The following SURF4 variants were observed in gnomAD, a reference collection of about 807,000 sequenced individuals.
The protein encoded by SURF4 is surfeit 4.
Under a neutral mutation model 30.0 loss-of-function variants are expected in SURF4, and 3 were observed. The observed-to-expected ratio is 0.10, with a 90% CI of 0.05 to 0.26. The LOEUF (loss-of-function observed/expected upper bound fraction) is 0.26, where lower values mean the gene tolerates loss of function less well. Ranked by LOEUF, SURF4 falls within the 10% of genes least tolerant of loss-of-function variation. SURF4 has a pLI of 1.00. For missense variants in SURF4, 217 were observed against 350.8 expected (o/e 0.62, Z 3.05); for synonymous variants, 143 against 139.9 (o/e 1.02, Z -0.16).
At chr9:133,370,610 C>G (rs926137391) in intron 1 of SURF4, among the ~76,000 whole-genome samples, 1 of 152,214 alleles carries the variant, frequency 6.6e-6, no homozygotes, top group Non-Finnish European at 1.5e-5. Flanking sequence ...CTCTAGAACA[C>G]GTCCCAGAGC....
rs1035167840 is a variant in SURF4, at chr9:133,367,315, T to C, written c.179A>G (p.Asn60Ser). ...EQRDYIDTTW[N>S]CGYLLASSFV... is the part of the protein sequence containing the mutation. ...GGACGAGGCCAGCAGGTAGCCGCAG[T>C]TCCAGGTGGTGTCGATGTAGTCGCG... Residue 60 changes from asparagine to serine, a missense_variant, in exon 2 of 6, where the codon AAC becomes AGC. Transcript: ENST00000371989. The C allele has an allele frequency of 1.9e-6, 3 of 1,614,236 alleles. No individual in the cohort carries two copies. Among genetic ancestry groups the C allele is most frequent in the Admixed American group, 1.7e-5 (1 of 60,030 alleles).
rs1188649956 is a variant in SURF4 at position 133,362,702 on chromosome 9, G to A, written c.*791C>T. On this transcript the variant is annotated 3_prime_UTR_variant, in exon 6 of 6. Transcript: ENST00000371989. ...CTGGCTTGCAGGGTGCTGCTGCTGG[G>A]GCTACCCCTGTGTGGTCTCACTAGC... The A allele has an allele frequency of 6.5e-6, 1 of 153,060 alleles. No individual in the cohort carries two copies. The highest frequency in any genetic ancestry group is 2.4e-5 in the African/African-American group (1 of 41,408). 9.5% of individuals were successfully genotyped at this position (153,060 alleles called of 1,614,324 possible).
Position 133,361,777 on chromosome 9 carries a change from C to G in SURF4, c.*1716G>C, listed in dbSNP as rs1836819061. On this transcript the variant is annotated 3_prime_UTR_variant, in exon 6 of 6. Transcript: ENST00000371989. ...ACGTGGCCTCCTTTGGTCCACCCTA[C>G]TTTCCACCAATCAGCCAACCAACCT... The G allele has an allele frequency of 6.6e-6, 1 of 152,464 alleles. No homozygotes were observed. The highest frequency in any genetic ancestry group is 6.5e-5 in the Admixed American group (1 of 15,308). The allele number at this position is 152,464 out of a possible 1,614,324, so 9.4% of individuals were successfully genotyped here. A position where few individuals can be genotyped will look rare whatever the true frequency, so the allele number is the denominator to read the frequency against.
intron 1 of SURF4, chr9:133,372,779 G>C (rs1837579721): frequency 3.4e-6 from 1 of 296,054 alleles, no homozygotes; most frequent in African/African-American, 2.3e-5. Flanking sequence ...AGTACTATGT[G>C]AATAAAGAGA....
chr9:133,361,989 C>A lies in SURF4; in HGVS notation c.*1504G>T, dbSNP rs1059773. 49,908 of 152,192 alleles carry A rather than the reference C, an allele frequency of 0.33. 9,000 individuals are homozygous for A. Among genetic ancestry groups the A allele is most frequent in the South Asian group, 0.47 (2,250 of 4,834 alleles). 9.4% of individuals were successfully genotyped at this position (152,192 alleles called of 1,614,324 possible). ...GAGAACCCATGTCCTGAAGCCATTG[C>A]TCGATCTTACCAATATTCGGGGGTA... On this transcript the variant is annotated 3_prime_UTR_variant, in exon 6 of 6. Transcript: ENST00000371989.
chr9:133,366,051 T>G (rs1837151834), intron 3 of SURF4, 23 bp from the exon 4 acceptor site: 7 of 1,612,948 alleles, frequency 4.3e-6, no homozygotes, highest in African/African-American at 2.7e-5. Context: ...AAGAGAGAGA[T>G]ACTTGAGTCT....
At chr9:133,367,002 G>A (rs950412783) in intron 2 of SURF4, among the ~76,000 whole-genome samples, 1 of 152,198 alleles carries the variant, frequency 6.6e-6, no homozygotes, top group Non-Finnish European at 1.5e-5. Context: ...AGCATCTCCT[G>A]CTTTGGGTCC....
At chr9:133,368,629 G>C (rs147051591) in intron 1 of SURF4, among the ~76,000 whole-genome samples, 6 of 152,258 alleles carry the variant, frequency 3.9e-5, no homozygotes, top group Admixed American at 1.3e-4. Flanking sequence ...ACTGTCAAAT[G>C]TCAAAGGGAA....
intron 1 of SURF4, chr9:133,371,081 T>C: frequency 1.0e-6 from 1 of 985,444 alleles, no homozygotes. Context: ...CATCCAGTGA[T>C]CACTGTCACA....
intron 1 of SURF4, among the ~76,000 whole-genome samples, chr9:133,369,730 G>C (rs904219138): frequency 6.6e-6 from 1 of 152,218 alleles, no homozygotes; most frequent in Non-Finnish European, 1.5e-5. Flanking sequence ...CCATGGAAGA[G>C]AGAAAGCACA....
chr9:133,365,368 C>T (rs1255005913), intron 4 of SURF4, among the ~76,000 whole-genome samples: 1 of 152,150 alleles, frequency 6.6e-6, no homozygotes, highest in Non-Finnish European at 1.5e-5. Context: ...GACCCGGAGT[C>T]CCCACACCCG....
In SURF4 at chr9:133,362,403, G is replaced by A. The variant is rs2130074300; in HGVS notation, c.*1090C>T. On this transcript the variant is annotated 3_prime_UTR_variant, in exon 6 of 6. Transcript: ENST00000371989. ...GTAAGGCATCACAAATTGTAAAAAG[G>A]AATTTTGGCTGCATTCGGCATAGCA... The A allele has an allele frequency of 2.0e-5, 3 of 152,682 alleles. No homozygotes were observed. Among genetic ancestry groups the A allele is most frequent in the African/African-American group, 7.2e-5 (3 of 41,468 alleles). The allele number at this position is 152,682 out of a possible 1,614,324, so 9.5% of individuals were successfully genotyped here.
At position 133,363,116 on chromosome 9, in the gene SURF4, T is replaced by A. The variant is rs1314417773; in HGVS notation, c.*377A>T. 4.5e-6 allele frequency: 2 copies of A among 445,346 alleles called. No individual in the cohort carries two copies. The highest frequency in any genetic ancestry group is 5.5e-5 in the South Asian group (2 of 36,670). 27.6% of individuals were successfully genotyped at this position (445,346 alleles called of 1,614,324 possible). A position where few individuals can be genotyped will look rare whatever the true frequency, so the allele number is the denominator to read the frequency against. On this transcript the variant is annotated 3_prime_UTR_variant, in exon 6 of 6. Transcript: ENST00000371989. The surrounding 1 kb of genome is among the most constrained non-coding windows in gnomAD (Gnocchi z 4.3). ...AACTTACAAATAAGAGGGAGACTGC[T>A]TTGAATGATAATACCAATGCGTCTG...
intron 1 of SURF4, among the ~76,000 whole-genome samples, chr9:133,369,641 C>G (rs587704574): frequency 6.6e-6 from 1 of 152,198 alleles, no homozygotes; most frequent in South Asian, 2.1e-4. Context: ...GGAAAGGTGA[C>G]GCCACACACC....
At chr9:133,375,390 T>C in intron 1 of SURF4, 17 of 985,536 alleles carry the variant, frequency 1.7e-5, no homozygotes, top group Non-Finnish European at 1.9e-5. Context: ...CCAGCACATC[T>C]GGGAAAGAGA....
upstream of SURF4, chr9:133,376,081 C>A: frequency 8.3e-7 from 1 of 1,205,940 alleles, no homozygotes; most frequent in South Asian, 4.1e-5. Context: ...CGGCCTCGCT[C>A]CGCGTCGGCT....
At chr9:133,367,540 G>A in intron 1 of SURF4, 95 bp from the exon 2 acceptor site, 1 of 1,581,634 alleles carries the variant, frequency 6.3e-7, no homozygotes, top group Non-Finnish European at 8.5e-7. Flanking sequence ...GTGAGGAACA[G>A]ACGCTGTGGA....
chr9:133,376,666 C>A, upstream of SURF4: 1 of 1,021,842 alleles, frequency 9.8e-7, no homozygotes, highest in Non-Finnish European at 1.4e-6. Flanking sequence ...GGCCCGCGCC[C>A]TGGCCAGTGT....
chr9:133,377,673 A>G (rs1235793047), upstream of SURF4, among the ~76,000 whole-genome samples: 1 of 152,158 alleles, frequency 6.6e-6, no homozygotes, highest in Admixed American at 6.5e-5. Flanking sequence ...CAGAAAGAAA[A>G]AAAAAAATAG....
Sources: gnomAD v4.1 joint callset for allele counts (sites outside exome capture counted in the v4.1 genomes callset) on GRCh38, gnomAD v4.1.1 for gene constraint, Gnocchi (gnomAD v3.1) non-coding constraint, MANE v1.5 for transcripts, NCBI Gene and HGNC (gene_info 2026-07-23, HGNC 2026-07-21) for gene names.